FNTB: variants seen among roughly 807,000 people sequenced by gnomAD.
FNTB encodes farnesyltransferase, CAAX box, subunit beta.
In FNTB, 27 loss-of-function variants were observed where a neutral mutation model predicts 59.4. The ratio of observed to expected loss-of-function variants is 0.45; its 90% CI spans 0.34 to 0.63. The LOEUF (loss-of-function observed/expected upper bound fraction) is 0.63. Among genes scored for constraint, FNTB ranks in the 20% least tolerant of loss-of-function variants. FNTB has a pLI of 0.02. For missense variants in FNTB, 449 were observed against 559.6 expected (o/e 0.80, Z 1.99); for synonymous variants, 230 against 220.7 (o/e 1.04, Z -0.37).
chr14:65,044,514 G>A lies in FNTB; in HGVS notation c.955+71G>A. ...ACTACTCACAAAGTCTGGAAGCCCA[G>A]CGTGCTTTTTTAGAGGGGTTGAAAT... On this transcript the variant is annotated intron_variant, in intron 9 of 11. Transcript: ENST00000246166. This position sits in a 1 kb window ranked among gnomAD's most constrained non-coding sequence, Gnocchi z 5.5. 6.5e-7 allele frequency: 1 copy of A among 1,549,158 alleles called. No individual in the cohort carries two copies. Among genetic ancestry groups the A allele is most frequent in the Non-Finnish European group, 8.7e-7 (1 of 1,153,204 alleles).
intron 7 of FNTB, among the ~76,000 whole-genome samples, chr14:65,038,705 G>A (rs1267502848): frequency 2.6e-5 from 4 of 152,146 alleles, no homozygotes; most frequent in Admixed American, 1.3e-4. Flanking sequence ...GCATCAGAGC[G>A]AGACTCTGTC....
At chr14:64,999,686 A>G (rs1888527894) in intron 1 of FNTB, among the ~76,000 whole-genome samples, 1 of 152,280 alleles carries the variant, frequency 6.6e-6, no homozygotes, top group Non-Finnish European at 1.5e-5. Context: ...TCTCCATGGG[A>G]CCTGTTAAGA....
rs755147125 is a variant in FNTB, at chr14:65,031,306, T to A, written c.606-1304T>A. 6.6e-6 allele frequency among the ~76,000 whole-genome samples: 1 copy of A among 151,734 alleles called. No individual in the cohort carries two copies. The highest frequency in any genetic ancestry group is 2.1e-4 in the South Asian group (1 of 4,796). The stretch of plus-strand genomic sequence containing the variant: ...AGCAAGAATGATCCTAAATCAAGTA[T>A]AATAATTTTTTGTGTTTGTTTTTTT... On this transcript the variant is annotated intron_variant, in intron 6 of 11. Coordinates refer to ENST00000246166, the MANE Select transcript of FNTB (RefSeq NM_002028.4). This position sits in a 1 kb window ranked among gnomAD's most constrained non-coding sequence, Gnocchi z 4.6.
rs1034484220 is a variant in FNTB, at chr14:65,001,419, G to A, written c.145-2830G>A. On this transcript the variant is annotated intron_variant, in intron 1 of 11. Transcript: ENST00000246166. This position sits in a 1 kb window ranked among gnomAD's most constrained non-coding sequence, Gnocchi z 5.5. ...GTAGGCCACACTATACAGCCTATGC[G>A]TGTGGTAGGCTATACCACCCAGGTT... Among the ~76,000 whole-genome samples the A allele has an allele frequency of 1.3e-5, 2 of 152,162 alleles. No homozygotes were observed. The highest frequency in any genetic ancestry group is 2.9e-5 in the Non-Finnish European group (2 of 68,022).
rs1280523666 is a variant in FNTB at position 65,011,046 on chromosome 14, G to GT, written c.210-1266dup. ...CCTCCCTTTTGAGCCTCAGTAGTAT[G>GT]TTTTTCCCTTGCAAAACCTACCCAT... On this transcript the variant is annotated intron_variant, in intron 2 of 11. Transcript: ENST00000246166. This position sits in a 1 kb window ranked among gnomAD's most constrained non-coding sequence, Gnocchi z 4.0. 6.6e-6 allele frequency among the ~76,000 whole-genome samples: 1 copy of GT among 152,114 alleles called. No homozygotes were observed. Among genetic ancestry groups the GT allele is most frequent in the African/African-American group, 2.4e-5 (1 of 41,432 alleles).
At position 65,044,425 on chromosome 14, in the gene FNTB, C is replaced by T. The variant is rs376882084; in HGVS notation, c.937C>T (p.Arg313Cys). The T allele has an allele frequency of 3.8e-5, 62 of 1,611,622 alleles. No individual in the cohort carries two copies. Among genetic ancestry groups the T allele is most frequent in the Middle Eastern group, 1.6e-4 (1 of 6,074 alleles). Reference sequence around the variant, plus strand: ...GGCGGGGCTCCTGCCCCTGCTCCACCGCGCACTGCACGCCCAAGGTGAGCC... The same window carrying T: ...GGCGGGGCTCCTGCCCCTGCTCCACTGCGCACTGCACGCCCAAGGTGAGCC... ...WQAGLLPLLHRALHAQGDPAL... is the reference protein window; with the variant it reads ...WQAGLLPLLHCALHAQGDPAL... The change falls in exon 9 of 12, where the codon CGC becomes TGC. Residue 313 changes from arginine to cysteine, a missense_variant. This residue lies in a region of FNTB where 337 missense variants were observed against 479.1 expected (regional missense o/e 0.70). Coordinates refer to ENST00000246166, the MANE Select transcript of FNTB (RefSeq NM_002028.4). This position sits in a 1 kb window ranked among gnomAD's most constrained non-coding sequence, Gnocchi z 5.5.
At chr14:65,059,168 G>A (rs1222374543) in intron 11 of FNTB, among the ~76,000 whole-genome samples, 1 of 152,068 alleles carries the variant, frequency 6.6e-6, no homozygotes, top group African/African-American at 2.4e-5. Flanking sequence ...GACTACAGGT[G>A]CACACCACCA....
intron 7 of FNTB, among the ~76,000 whole-genome samples, chr14:65,034,200 C>T (rs894263170): frequency 6.6e-6 from 1 of 152,210 alleles, no homozygotes; most frequent in East Asian, 1.9e-4. Flanking sequence ...CTGGAGCCCT[C>T]TGCCCTCCTG....
At chr14:65,033,843 C>T (rs182686453) in intron 7 of FNTB, among the ~76,000 whole-genome samples, 12 of 152,006 alleles carry the variant, frequency 7.9e-5, no homozygotes, top group Non-Finnish European at 1.3e-4. Context: ...GGCGACAGGG[C>T]GAGACTCCAT....
In FNTB at chr14:65,054,765, C is replaced by T. The variant is rs867102810; in HGVS notation, c.1182+76C>T. 4.8e-6 allele frequency: 7 copies of T among 1,469,620 alleles called. No homozygotes were observed. In the African/African-American group the frequency reaches 8.4e-5, roughly 18 times the overall value. The allele number at this position is 1,469,620 out of a possible 1,614,324, so 91.0% of individuals were successfully genotyped here. A position where few individuals can be genotyped will look rare whatever the true frequency, so the allele number is the denominator to read the frequency against. On this transcript the variant is annotated intron_variant, in intron 11 of 11. Coordinates refer to ENST00000246166, the MANE Select transcript of FNTB (RefSeq NM_002028.4). The surrounding 1 kb of genome is among the most constrained non-coding windows in gnomAD (Gnocchi z 4.4). ...CAGAAGGCTTTCCAAGTAAGCAGAA[C>T]TGGCTCTGCATTTCCTGTGTGGACA...
chr14:65,011,433 A>C lies in FNTB; in HGVS notation c.210-884A>C, dbSNP rs2061681895. Among the ~76,000 whole-genome samples the C allele has an allele frequency of 1.4e-5, 2 of 142,774 alleles. No individual in the cohort carries two copies. The highest frequency in any genetic ancestry group is 2.4e-4 in the East Asian group (1 of 4,162). The allele number at this position is 142,774 out of a possible 152,430, so 93.7% of individuals were successfully genotyped here. A position where few individuals can be genotyped will look rare whatever the true frequency, so the allele number is the denominator to read the frequency against. ...GACAGAGCGAGACTCCGTCTCAGGA[A>C]AAAAAAAAAAAAAAAAAAAGACTGC... On this transcript the variant is annotated intron_variant, in intron 2 of 11. Transcript: ENST00000246166. The surrounding 1 kb of genome is among the most constrained non-coding windows in gnomAD (Gnocchi z 4.0).
chr14:65,036,121 C>T (rs916648275), intron 7 of FNTB, among the ~76,000 whole-genome samples: 1 of 152,210 alleles, frequency 6.6e-6, no homozygotes, highest in Admixed American at 6.5e-5. Context: ...GTGTGAGCCA[C>T]GATGGCCAGC....
chr14:65,048,050 C>T (rs908362578), intron 9 of FNTB, among the ~76,000 whole-genome samples: 2 of 126,830 alleles, frequency 1.6e-5, no homozygotes, highest in African/African-American at 6.1e-5. Context: ...TGCAGTGGTG[C>T]AATCTCGGCT....
intron 1 of FNTB, among the ~76,000 whole-genome samples, chr14:64,989,399 C>T (rs999175316): frequency 2.6e-5 from 4 of 151,498 alleles, no homozygotes; most frequent in Non-Finnish European, 5.9e-5. Flanking sequence ...CATGATCGAG[C>T]CACGGTACTC....
chr14:65,057,041 C>T (rs2062751307), intron 11 of FNTB, among the ~76,000 whole-genome samples: 1 of 152,200 alleles, frequency 6.6e-6, no homozygotes, highest in Admixed American at 6.5e-5. Flanking sequence ...AATCCATTCC[C>T]TCAAGGACTA....
intron 11 of FNTB, among the ~76,000 whole-genome samples, chr14:65,056,338 C>G (rs2062736355): frequency 6.6e-6 from 1 of 152,170 alleles, no homozygotes; most frequent in Non-Finnish European, 1.5e-5. Context: ...TTTGCTATTA[C>G]AGTGTTGCAG....
At position 65,004,390 on chromosome 14, in the gene FNTB, C is replaced by T. The variant is rs1051690909; in HGVS notation, c.209+77C>T. 71 of 1,459,472 alleles carry T rather than the reference C, an allele frequency of 4.9e-5. No individual in the cohort carries two copies. In the East Asian group the frequency reaches 9.0e-4, roughly 19 times the overall value. 90.4% of individuals were successfully genotyped at this position (1,459,472 alleles called of 1,614,324 possible). On this transcript the variant is annotated intron_variant, in intron 2 of 11. Coordinates refer to ENST00000246166, the MANE Select transcript of FNTB (RefSeq NM_002028.4). The stretch of plus-strand genomic sequence containing the variant: ...CAGCCTTTCTTCTTTCCTCCTTGAG[C>T]GAATCTAACCACGGGGAGCATCTGC...
In FNTB at chr14:65,061,352, CCAGT is replaced by C. The variant is rs1226990858; in HGVS notation, c.*44_*47del. On this transcript the variant is annotated 3_prime_UTR_variant, in exon 12 of 12. Coordinates refer to ENST00000246166, the MANE Select transcript of FNTB (RefSeq NM_002028.4). ...GGCAGCTCTTTGCTCACCCATCTCCCCAGTCAGACAAGGTTTATACGTTTCAATA... is the reference window on the plus strand; with the variant it reads ...GGCAGCTCTTTGCTCACCCATCTCCCCAGACAAGGTTTATACGTTTCAATA... The C allele has an allele frequency of 6.2e-7, 1 of 1,612,074 alleles. No individual in the cohort carries two copies. Among genetic ancestry groups the C allele is most frequent in the South Asian group, 1.1e-5 (1 of 90,944 alleles).
chr14:65,042,644 C>G (rs2062377993), intron 8 of FNTB, among the ~76,000 whole-genome samples: 1 of 152,212 alleles, frequency 6.6e-6, no homozygotes, highest in East Asian at 1.9e-4. Flanking sequence ...CCAGACTACT[C>G]CCTTCCATTT....
Sources: gnomAD v4.1 joint callset for allele counts (sites outside exome capture counted in the v4.1 genomes callset) on GRCh38, gnomAD v4.1.1 for gene constraint, gnomAD v4.1.1 regional missense constraint, Gnocchi (gnomAD v3.1) non-coding constraint, MANE v1.5 for transcripts, NCBI Gene and HGNC (gene_info 2026-07-23, HGNC 2026-07-21) for gene names.